Variants in RBMS1 observed in about 807,000 individuals in gnomAD.
RBMS1 encodes RNA-binding motif, single-stranded-interacting protein 1.
A neutral mutation model predicts 62.3 loss-of-function variants in RBMS1; 17 were observed. The observed-to-expected ratio is 0.27, with a 90% CI of 0.19 to 0.41. The LOEUF (loss-of-function observed/expected upper bound fraction) is 0.41, where lower values mean the gene tolerates loss of function less well. Among genes scored for constraint, RBMS1 ranks in the 10% least tolerant of loss-of-function variants. The pLI, the probability that RBMS1 is intolerant of heterozygous loss-of-function variation, is 1.00. For synonymous variants in RBMS1, 172 were observed against 170.0 expected (o/e 1.01, Z -0.09); for missense variants, 334 against 504.5 (o/e 0.66, Z 3.24).
At chr2:160,448,793 C>T (rs1249070835) in intron 1 of RBMS1, among the ~76,000 whole-genome samples, 1 of 151,728 alleles carries the variant, frequency 6.6e-6, no homozygotes, top group Non-Finnish European at 1.5e-5. Flanking sequence ...CCCAGCCACC[C>T]AGTCTGGGAA....
intron 1 of RBMS1, among the ~76,000 whole-genome samples, chr2:160,375,497 T>A (rs961608391): frequency 1.4e-4 from 22 of 152,114 alleles, no homozygotes; most frequent in African/African-American, 5.3e-4. Flanking sequence ...ACAGCTGAAA[T>A]AACCATAGTA....
intron 1 of RBMS1, among the ~76,000 whole-genome samples, chr2:160,376,660 G>A (rs535038823): frequency 6.6e-6 from 1 of 151,670 alleles, no homozygotes; most frequent in Non-Finnish European, 1.5e-5. Context: ...TTAAGAGACA[G>A]AGTCTCGCTC....
rs536545445 is a variant in RBMS1, at chr2:160,436,681, C to T, written c.75+56608G>A. Among the ~76,000 whole-genome samples the T allele has an allele frequency of 3.9e-5, 6 of 152,228 alleles. No homozygotes were observed. The South Asian group carries it at 8.3e-4, about 21-fold the overall frequency. On this transcript the variant is annotated intron_variant, in intron 1 of 13. Coordinates refer to ENST00000348849, the MANE Select transcript of RBMS1 (RefSeq NM_016836.4). ...CTTTCTCTCATTCTTAATACAAGAA[C>T]TAACTTTCAGCTGTCCATTTTCACT...
intron 1 of RBMS1, among the ~76,000 whole-genome samples, chr2:160,438,861 C>T (rs1191368076): frequency 3.3e-5 from 5 of 151,874 alleles, no homozygotes; most frequent in African/African-American, 4.8e-5. Flanking sequence ...CCTCACCTCC[C>T]GGACAGGGCG....
intron 1 of RBMS1, among the ~76,000 whole-genome samples, chr2:160,468,708 T>C (rs1297235390): frequency 6.6e-6 from 1 of 152,230 alleles, no homozygotes; most frequent in African/African-American, 2.4e-5. Context: ...TAACTTCATC[T>C]TGAAGGCTTT....
intron 2 of RBMS1, among the ~76,000 whole-genome samples, chr2:160,326,916 G>A (rs1690964273): frequency 6.6e-6 from 1 of 152,116 alleles, no homozygotes; most frequent in African/African-American, 2.4e-5. Flanking sequence ...TTAGAAGATG[G>A]GGAAAAAGAA....
intron 7 of RBMS1, among the ~76,000 whole-genome samples, chr2:160,286,614 C>G (rs1688414754): frequency 6.6e-6 from 1 of 152,098 alleles, no homozygotes. Flanking sequence ...GCCACCGCGC[C>G]TAGCCTACAG....
intron 1 of RBMS1, among the ~76,000 whole-genome samples, chr2:160,427,350 G>GC (rs1682682126): frequency 1.3e-5 from 2 of 151,956 alleles, no homozygotes; most frequent in Admixed American, 1.3e-4. Context: ...ATTTTATGAG[G>GC]CCAGGAACAA....
chr2:160,483,601 T>C (rs6722159), intron 1 of RBMS1, among the ~76,000 whole-genome samples: 1 of 151,942 alleles, frequency 6.6e-6, no homozygotes, highest in East Asian at 1.9e-4. Flanking sequence ...TAGCCAAATT[T>C]TGTCAGACCC....
intron 1 of RBMS1, among the ~76,000 whole-genome samples, chr2:160,450,540 CA>C (rs1355990593): frequency 7.7e-4 from 11 of 14,364 alleles, no homozygotes; most frequent in African/African-American, 1.1e-3. Flanking sequence ...AATTCCATCT[CA>C]AAAAAAATAA....
chr2:160,420,438 T>C (rs1273761739), intron 1 of RBMS1, among the ~76,000 whole-genome samples: 1 of 152,234 alleles, frequency 6.6e-6, no homozygotes, highest in Non-Finnish European at 1.5e-5. Context: ...GACCTCTTGC[T>C]ACATTTTCTA....
At chr2:160,345,939 G>C (rs1692149996) in intron 2 of RBMS1, among the ~76,000 whole-genome samples, 1 of 152,108 alleles carries the variant, frequency 6.6e-6, no homozygotes, top group Non-Finnish European at 1.5e-5. Context: ...ATTGCAAGCA[G>C]ACAATGGCTG....
chr2:160,434,491 GAA>G (rs775251357), intron 1 of RBMS1, among the ~76,000 whole-genome samples: 1 of 141,896 alleles, frequency 7.0e-6, no homozygotes, highest in African/African-American at 2.6e-5. Flanking sequence ...AGACAGAAAG[GAA>G]AAAAAAAAAC....
At chr2:160,324,299 A>T (rs1690761427) in intron 2 of RBMS1, among the ~76,000 whole-genome samples, 1 of 152,130 alleles carries the variant, frequency 6.6e-6, no homozygotes, top group African/African-American at 2.4e-5. Flanking sequence ...TGTGCTAGGG[A>T]ACGTGCAGCT....
intron 10 of RBMS1, among the ~76,000 whole-genome samples, chr2:160,280,082 T>C (rs144778264): frequency 6.6e-6 from 1 of 152,324 alleles, no homozygotes; most frequent in Admixed American, 6.5e-5. Context: ...GTGGAGCAGT[T>C]TCCTGCTCCT....
At chr2:160,442,508 T>A (rs1683450984) in intron 1 of RBMS1, among the ~76,000 whole-genome samples, 1 of 152,248 alleles carries the variant, frequency 6.6e-6, no homozygotes, top group African/African-American at 2.4e-5. Flanking sequence ...TTCAACATTC[T>A]AGTAGAACTA....
At chr2:160,371,666 G>A (rs949785756) in intron 1 of RBMS1, among the ~76,000 whole-genome samples, 5 of 152,176 alleles carry the variant, frequency 3.3e-5, no homozygotes, top group African/African-American at 7.2e-5. Context: ...TTTCCTGCAC[G>A]AGTGGTTTGG....
chr2:160,421,526 T>G (rs1696429115), intron 1 of RBMS1, among the ~76,000 whole-genome samples: 1 of 152,240 alleles, frequency 6.6e-6, no homozygotes, highest in East Asian at 1.9e-4. Context: ...ATGTGCCACA[T>G]TTTCTCAATC....
intron 1 of RBMS1, among the ~76,000 whole-genome samples, chr2:160,411,428 C>T (rs1255667361): frequency 6.6e-6 from 1 of 152,158 alleles, no homozygotes; most frequent in Admixed American, 6.5e-5. Flanking sequence ...AGTGGGTGAG[C>T]ATTTGGCCAT....
Sources: allele counts gnomAD v4.1 joint callset (sites outside exome capture counted in the v4.1 genomes callset), GRCh38; gene constraint gnomAD v4.1.1; transcripts MANE v1.5; gene names NCBI Gene and HGNC (gene_info 2026-07-23, HGNC 2026-07-21).